USH2A: variants seen among roughly 807,000 people sequenced by gnomAD.
The protein encoded by USH2A is usherin.
A neutral mutation model predicts 538.9 loss-of-function variants in USH2A; 443 were observed. The observed-to-expected ratio is 0.82, with a 90% CI of 0.76 to 0.89. The LOEUF is 0.89. Among genes scored for constraint, USH2A ranks in the 40% least tolerant of loss-of-function variants. The probability of loss-of-function intolerance (pLI) is 0.00; values close to 1 mark genes in which losing one functional copy is unlikely to be tolerated. For missense variants in USH2A, 6,633 were observed against 6,324.8 expected, an observed-to-expected ratio of 1.05 and a Z score of -1.65; for synonymous variants, 2,413 against 2,273.5, an observed-to-expected ratio of 1.06 and a Z score of -1.75.
intron 21 of USH2A, among the ~76,000 whole-genome samples, chr1:216,146,090 G>C (rs1382696521): frequency 5.3e-5 from 8 of 152,092 alleles, no homozygotes; most frequent in Non-Finnish European, 7.3e-5. Context: ...ACCTCCCTTG[G>C]GAGATCAATC....
At chr1:215,882,157 T>A (rs1264995973) in intron 41 of USH2A, among the ~76,000 whole-genome samples, 1 of 152,224 alleles carries the variant, frequency 6.6e-6, no homozygotes, top group Non-Finnish European at 1.5e-5. Flanking sequence ...ATGATAAATG[T>A]CTCAAAGCGG....
intron 21 of USH2A, among the ~76,000 whole-genome samples, chr1:216,165,017 A>G (rs1441642865): frequency 6.6e-6 from 1 of 152,170 alleles, no homozygotes; most frequent in Non-Finnish European, 1.5e-5. Context: ...GTCTGACTCC[A>G]GAACCTGCAC....
At chr1:216,118,029 T>A (rs527402645) in intron 21 of USH2A, among the ~76,000 whole-genome samples, 214 of 152,158 alleles carry the variant, frequency 1.4e-3, no homozygotes, top group Non-Finnish European at 2.9e-3. Context: ...AAAAAACAAA[T>A]GCTAGAGCCA....
chr1:216,135,735 C>T (rs301742), intron 21 of USH2A, among the ~76,000 whole-genome samples: 126,109 of 152,006 alleles, frequency 0.83, 52,596 homozygotes, highest in African/African-American at 0.92. Flanking sequence ...TCATTGCTCT[C>T]TCATGAAGAT....
chr1:216,128,057 A>G (rs2033291091), intron 21 of USH2A, among the ~76,000 whole-genome samples: 1 of 152,162 alleles, frequency 6.6e-6, no homozygotes, highest in Non-Finnish European at 1.5e-5. Flanking sequence ...TGAAGAGCAT[A>G]CTGTATAGAA....
At chr1:216,092,796 G>C (rs1345047575) in intron 22 of USH2A, among the ~76,000 whole-genome samples, 1 of 152,062 alleles carries the variant, frequency 6.6e-6, no homozygotes, top group Non-Finnish European at 1.5e-5. Context: ...TTCTCAGCTA[G>C]ATCCTAAGGC....
intron 21 of USH2A, among the ~76,000 whole-genome samples, chr1:216,137,416 G>A (rs2033508021): frequency 6.6e-6 from 1 of 152,118 alleles, no homozygotes; most frequent in Non-Finnish European, 1.5e-5. Context: ...AGCAAAAGCA[G>A]AAACCCGTGA....
intron 32 of USH2A, among the ~76,000 whole-genome samples, chr1:216,036,729 T>C (rs2029997305): frequency 1.3e-5 from 2 of 152,102 alleles, no homozygotes; most frequent in South Asian, 4.1e-4. Flanking sequence ...GAGGTAGATG[T>C]TTCAGTTTGC....
At chr1:216,261,202 C>A (rs74599570) in intron 11 of USH2A, among the ~76,000 whole-genome samples, 3,373 of 151,686 alleles carry the variant, frequency 0.022, 61 homozygotes, top group Middle Eastern at 0.12. Flanking sequence ...CAACTAATAA[C>A]AATTTAATAA....
intron 21 of USH2A, among the ~76,000 whole-genome samples, chr1:216,154,173 A>G (rs190540387): frequency 2.2e-4 from 33 of 152,316 alleles, no homozygotes; most frequent in Non-Finnish European, 3.7e-4. Context: ...TCTATTTACA[A>G]AAATTCCCTT....
chr1:216,287,740 G>A (rs2036914977), intron 11 of USH2A, among the ~76,000 whole-genome samples: 1 of 152,054 alleles, frequency 6.6e-6, no homozygotes, highest in African/African-American at 2.4e-5. Flanking sequence ...ATTCTGGGAG[G>A]TAAAACTATA....
intron 9 of USH2A, among the ~76,000 whole-genome samples, chr1:216,319,455 C>A (rs368465907): frequency 1.3e-5 from 2 of 152,164 alleles, no homozygotes; most frequent in South Asian, 4.1e-4. Flanking sequence ...TCATAATATA[C>A]TAATGAAATC....
At chr1:215,758,797 G>A (rs1660890575) in intron 57 of USH2A, 45 bp from the exon 58 acceptor site, 2 of 1,592,138 alleles carry the variant, frequency 1.3e-6, no homozygotes, top group African/African-American at 2.7e-5. Flanking sequence ...CCATGCACAA[G>A]AGACTTGAAC....
intron 32 of USH2A, among the ~76,000 whole-genome samples, chr1:216,023,459 CAAAAA>C: frequency 0.048 from 2,247 of 47,030 alleles, 82 homozygotes; most frequent in East Asian, 0.35. Flanking sequence ...TCAAAGCAGA[CAAAAA>C]AAAAAAAAAA....
In USH2A at chr1:216,148,437, CACAAGTATAAGAT is replaced by C. The variant is rs540384977; in HGVS notation, c.4627+26802_4627+26814del. On this transcript the variant is annotated intron_variant, in intron 21 of 71. Transcript: ENST00000307340. ...CCTCTTCTATCCCCCCACCTTAACT[CACAAGTATAAGAT>C]ACCTCTACTCCCTCCTTGGTGACCG... 2.8e-4 allele frequency among the ~76,000 whole-genome samples: 42 copies of C among 152,192 alleles called. 1 individual carries two copies. In the South Asian group the frequency reaches 8.3e-3, roughly 30 times the overall value.
chr1:215,910,296 G>T (rs1196535496), intron 38 of USH2A, among the ~76,000 whole-genome samples: 5 of 151,532 alleles, frequency 3.3e-5, no homozygotes, highest in Non-Finnish European at 4.4e-5. Flanking sequence ...TGTCTTTATT[G>T]TAATGTCTTT....
At chr1:216,413,493 A>C (rs1326949785) in intron 3 of USH2A, among the ~76,000 whole-genome samples, 2 of 152,078 alleles carry the variant, frequency 1.3e-5, no homozygotes, top group Non-Finnish European at 2.9e-5. Context: ...GTTAAATTGC[A>C]TTTTGTTTTC....
At chr1:215,630,527 T>TATGAGA (rs1553248492) in intron 70 of USH2A, among the ~76,000 whole-genome samples, 14 of 121,752 alleles carry the variant, frequency 1.1e-4, no homozygotes, top group African/African-American at 5.1e-4. Flanking sequence ...TATATATATA[T>TATGAGA]GAGAGAGAGA....
chr1:216,151,776 A>AC (rs1241631746), intron 21 of USH2A, among the ~76,000 whole-genome samples: 3 of 152,106 alleles, frequency 2.0e-5, no homozygotes, highest in Non-Finnish European at 2.9e-5. Context: ...ACATAAAAAA[A>AC]CTCAAGGATA....
Sources: allele counts gnomAD v4.1 joint callset (sites outside exome capture counted in the v4.1 genomes callset), GRCh38; gene constraint gnomAD v4.1.1; transcripts MANE v1.5; gene names NCBI Gene and HGNC (gene_info 2026-07-23, HGNC 2026-07-21).